Variants in HDAC9 observed in about 807,000 individuals in gnomAD.
The protein encoded by HDAC9 is MEF-2 interacting transcription repressor (MITR) protein.
Under a neutral mutation model 139.4 loss-of-function variants are expected in HDAC9, and 41 were observed. The ratio of observed to expected loss-of-function variants is 0.29; its 90% CI spans 0.23 to 0.38. The LOEUF is 0.38. Among genes scored for constraint, HDAC9 ranks in the 10% least tolerant of loss-of-function variants. HDAC9 has a pLI of 1.00. For missense variants in HDAC9, 1,147 were observed against 1,297.0 expected (o/e 0.88, Z 1.78); for synonymous variants, 517 against 476.2 (o/e 1.09, Z -1.12).
intron 1 of HDAC9, among the ~76,000 whole-genome samples, chr7:18,469,607 A>C (rs1403483025): frequency 6.6e-6 from 1 of 152,200 alleles, no homozygotes; most frequent in Non-Finnish European, 1.5e-5. Context: ...AGCAATTCAC[A>C]AAGTTCCCAC....
intron 16 of HDAC9, among the ~76,000 whole-genome samples, chr7:18,784,435 G>A (rs1585031192): frequency 6.6e-6 from 1 of 151,494 alleles, no homozygotes; most frequent in South Asian, 2.1e-4. Flanking sequence ...ATTCAAATCC[G>A]AGGAGGCATT....
intron 2 of HDAC9, among the ~76,000 whole-genome samples, chr7:18,562,361 G>A (rs1370993910): frequency 1.3e-5 from 2 of 151,956 alleles, no homozygotes; most frequent in African/African-American, 4.8e-5. Flanking sequence ...TTCTGATTTT[G>A]TTACCTAATA....
chr7:18,494,211 A>G (rs1466921488), upstream of HDAC9, among the ~76,000 whole-genome samples: 1 of 152,106 alleles, frequency 6.6e-6, no homozygotes, highest in Non-Finnish European at 1.5e-5. Flanking sequence ...ATATCCAAAT[A>G]CAATTTTTCA....
chr7:18,844,624 C>T (rs940710312), intron 21 of HDAC9, among the ~76,000 whole-genome samples: 1 of 151,906 alleles, frequency 6.6e-6, no homozygotes, highest in Middle Eastern at 3.2e-3. Flanking sequence ...CTGGAGTTAC[C>T]GAAATGGACT....
intron 12 of HDAC9, among the ~76,000 whole-genome samples, chr7:18,719,331 CTT>C (rs757689693): frequency 0.022 from 1,658 of 73,744 alleles, 7 homozygotes; most frequent in African/African-American, 0.09. Flanking sequence ...TTTTCTCTTC[CTT>C]TTTTTTTTTT....
At position 18,648,644 on chromosome 7, in the gene HDAC9, G is replaced by C; in HGVS notation, c.1428G>C (p.Glu476Asp). The C allele has an allele frequency of 1.2e-6, 2 of 1,613,240 alleles. No homozygotes were observed. Among genetic ancestry groups the C allele is most frequent in the Non-Finnish European group, 1.7e-6 (2 of 1,179,562 alleles). Residue 476 changes from glutamate to aspartate, a missense_variant, in exon 11 of 26, where the codon GAG becomes GAC. Glu to Asp is a conservative substitution (Grantham distance 45, BLOSUM62 2). This residue lies in a region of HDAC9 where 256 missense variants were observed against 219.2 expected (regional missense o/e 1.17). Coordinates refer to ENST00000686413, the MANE Select transcript of HDAC9 (RefSeq NM_178425.4). ...AACAGCAACACCAGCAATTCTTGGA[G>C]AAGCAGAAGCAATACCAGCAGCAGA... ...VIQQQHQQFL[E>D]KQKQYQQQIH... is the part of the protein sequence containing the mutation.
chr7:18,897,771 A>G (rs1158582996), intron 22 of HDAC9, among the ~76,000 whole-genome samples: 1 of 151,554 alleles, frequency 6.6e-6, no homozygotes, highest in Admixed American at 6.6e-5. Context: ...TATAAAACAA[A>G]TGTTATGTTT....
chr7:18,812,773 C>T (rs1483667430), intron 17 of HDAC9, among the ~76,000 whole-genome samples: 1 of 151,946 alleles, frequency 6.6e-6, no homozygotes, highest in Non-Finnish European at 1.5e-5. Flanking sequence ...TCTGAGGGTC[C>T]TATTACATGT....
chr7:18,813,922 T>C (rs1019215014), intron 17 of HDAC9, among the ~76,000 whole-genome samples: 1 of 152,192 alleles, frequency 6.6e-6, no homozygotes, highest in East Asian at 1.9e-4. Context: ...TCCATTTCCT[T>C]CTAGGATGTT....
At chr7:18,913,549 C>T (rs2129290563) in intron 22 of HDAC9, among the ~76,000 whole-genome samples, 2 of 152,148 alleles carry the variant, frequency 1.3e-5, no homozygotes, top group Middle Eastern at 6.8e-3. Context: ...TTCCTTTGGA[C>T]TCCATGTGCC....
chr7:18,542,166 C>T (rs76628751), intron 2 of HDAC9, among the ~76,000 whole-genome samples: 6,100 of 152,226 alleles, frequency 0.04, 426 homozygotes, highest in African/African-American at 0.14. Flanking sequence ...AACCACTGAT[C>T]TCGATGTTCT....
intron 1 of HDAC9, among the ~76,000 whole-genome samples, chr7:18,413,870 G>A (rs1788802521): frequency 6.6e-6 from 1 of 152,070 alleles, no homozygotes; most frequent in Admixed American, 6.5e-5. Flanking sequence ...TCTGTGGTAG[G>A]TGCTATATCT....
At chr7:18,816,550 A>G (rs552850473) in intron 17 of HDAC9, among the ~76,000 whole-genome samples, 1 of 152,360 alleles carries the variant, frequency 6.6e-6, no homozygotes, top group South Asian at 2.1e-4. Flanking sequence ...GAAAAGAGGA[A>G]TCGGAGCCAA....
At chr7:18,394,972 GT>G (rs1202571278) in intron 1 of HDAC9, 1 of 152,054 alleles carries the variant, frequency 6.6e-6, no homozygotes, top group African/African-American at 2.4e-5. Context: ...AAATACACAA[GT>G]ATTCAGACAT....
chr7:18,760,447 A>G (rs1789283966), intron 14 of HDAC9, among the ~76,000 whole-genome samples: 1 of 152,146 alleles, frequency 6.6e-6, no homozygotes, highest in Non-Finnish European at 1.5e-5. Flanking sequence ...ATGTTTTCTA[A>G]TCAATCAGAA....
At chr7:18,877,659 T>C (rs1309378723) in intron 22 of HDAC9, among the ~76,000 whole-genome samples, 2 of 152,158 alleles carry the variant, frequency 1.3e-5, no homozygotes, top group Admixed American at 1.3e-4. Context: ...AAAAGAGAAA[T>C]GAAGTCAAAA....
chr7:18,877,089 G>C (rs1380137423), intron 22 of HDAC9, among the ~76,000 whole-genome samples: 2 of 152,086 alleles, frequency 1.3e-5, no homozygotes, highest in Admixed American at 1.3e-4. Flanking sequence ...GACAGACATT[G>C]ACTAGTTTTG....
intron 1 of HDAC9, among the ~76,000 whole-genome samples, chr7:18,294,345 G>A (rs1798004662): frequency 6.6e-6 from 1 of 152,028 alleles, no homozygotes; most frequent in African/African-American, 2.4e-5. Flanking sequence ...TTCTTCACCT[G>A]TAAAATGATA....
intron 2 of HDAC9, among the ~76,000 whole-genome samples, chr7:18,226,461 T>A (rs944726193): frequency 6.6e-6 from 1 of 152,132 alleles, no homozygotes; most frequent in Non-Finnish European, 1.5e-5. Context: ...TTGCCCTTTT[T>A]AAATCTACCA....
Sources: gnomAD v4.1 joint callset for allele counts (sites outside exome capture counted in the v4.1 genomes callset) on GRCh38, gnomAD v4.1.1 for gene constraint, gnomAD v4.1.1 regional missense constraint, MANE v1.5 for transcripts, NCBI Gene and HGNC (gene_info 2026-07-23, HGNC 2026-07-21) for gene names.